COX6B1: variants seen among roughly 807,000 people sequenced by gnomAD.
The protein encoded by COX6B1 is COX VIb-1.
In COX6B1, 2 loss-of-function variants were observed where a neutral mutation model predicts 14.0. The observed-to-expected ratio is 0.14, with a 90% CI of 0.06 to 0.45. The LOEUF (loss-of-function observed/expected upper bound fraction) is 0.45. Among genes scored for constraint, COX6B1 ranks in the 20% least tolerant of loss-of-function variants. COX6B1 has a pLI of 0.98. For missense variants in COX6B1, 81 were observed against 114.2 expected (o/e 0.71, Z 1.33); for synonymous variants, 30 against 39.7 (o/e 0.76, Z 0.92).
intron 3 of COX6B1, 102 bp from the exon 4 acceptor site, chr19:35,658,492 T>C: frequency 1.0e-6 from 1 of 993,818 alleles, no homozygotes; most frequent in Non-Finnish European, 1.6e-6. Flanking sequence ...AGCAGGTACC[T>C]GTGGATATTG....
chr19:35,651,083 C>A, intron 1 of COX6B1, 150 bp from the exon 2 acceptor site: 1 of 672,712 alleles, frequency 1.5e-6, no homozygotes, highest in Non-Finnish European at 2.7e-6. Context: ...TGGATTCGCC[C>A]TGCCCCTCAT....
chr19:35,653,582 A>AT (rs1225466966), intron 2 of COX6B1, among the ~76,000 whole-genome samples: 3,338 of 115,366 alleles, frequency 0.029, 114 homozygotes, highest in African/African-American at 0.076. Flanking sequence ...AATTTTTTGT[A>AT]TTTTTTTTTT....
rs569280189 is a variant in COX6B1, at chr19:35,648,675, G to A, written c.-12+272G>A. The A allele has an allele frequency of 3.5e-5, 13 of 376,116 alleles. No individual in the cohort carries two copies. In the East Asian group the frequency reaches 6.6e-4, roughly 19 times the overall value. The allele number at this position is 376,116 out of a possible 1,614,324, so 23.3% of individuals were successfully genotyped here. A position where few individuals can be genotyped will look rare whatever the true frequency, so the allele number is the denominator to read the frequency against. Reference sequence around the variant, plus strand: ...GATTATCCCCTTTTGTCAGTAAACAGGCTCAGAGATACCAAGCGACCTAGC... The same window carrying A: ...GATTATCCCCTTTTGTCAGTAAACAAGCTCAGAGATACCAAGCGACCTAGC... On this transcript the variant is annotated intron_variant, in intron 1 of 3. Coordinates refer to ENST00000649813, the MANE Select transcript of COX6B1 (RefSeq NM_001863.5).
chr19:35,658,099 T>C (rs1351161026), intron 3 of COX6B1, among the ~76,000 whole-genome samples: 1 of 152,144 alleles, frequency 6.6e-6, no homozygotes, highest in Non-Finnish European at 1.5e-5. Context: ...GCCTCCATCA[T>C]TGTTTATACT....
chr19:35,654,719 G>A, intron 3 of COX6B1, 48 bp downstream of exon 3: 1 of 1,552,658 alleles, frequency 6.4e-7, no homozygotes, highest in Non-Finnish European at 8.9e-7. Context: ...TGGGGTCTTA[G>A]CAGAGGGGAG....
At chr19:35,653,578 T>C (rs1236201203) in intron 2 of COX6B1, among the ~76,000 whole-genome samples, 1 of 143,870 alleles carries the variant, frequency 7.0e-6, no homozygotes, top group East Asian at 2.1e-4. Context: ...GGCCAATTTT[T>C]TGTATTTTTT....
intron 2 of COX6B1, among the ~76,000 whole-genome samples, chr19:35,653,781 C>T (rs1051933009): frequency 1.4e-5 from 2 of 147,328 alleles, no homozygotes; most frequent in Non-Finnish European, 3.0e-5. Flanking sequence ...GGGGTTTCAC[C>T]GTGGTCTCTA....
intron 3 of COX6B1, among the ~76,000 whole-genome samples, chr19:35,658,026 A>G (rs1967906487): frequency 6.6e-6 from 1 of 152,112 alleles, no homozygotes; most frequent in African/African-American, 2.4e-5. Flanking sequence ...TCCTGAGCTC[A>G]AGCAGTCCTC....
chr19:35,653,008 G>A (rs1279870597), intron 2 of COX6B1, among the ~76,000 whole-genome samples: 2 of 136,482 alleles, frequency 1.5e-5, no homozygotes, highest in Non-Finnish European at 3.0e-5. Flanking sequence ...TCGCTTTGTC[G>A]CCCAGGTTGG....
chr19:35,654,421 C>T lies in COX6B1; in HGVS notation c.107-150C>T, dbSNP rs1005379839. ...TTGAGAGGCTGAGGCAGGAGAATCA[C>T]TTGAACCCAGGAGGAGGTAGAGGTT... On this transcript the variant is annotated intron_variant, in intron 2 of 3. Coordinates refer to ENST00000649813, the MANE Select transcript of COX6B1 (RefSeq NM_001863.5). 3.2e-5 allele frequency: 22 copies of T among 684,336 alleles called. No individual in the cohort carries two copies. In the South Asian group the frequency reaches 3.3e-4, roughly 10 times the overall value. 42.4% of individuals were successfully genotyped at this position (684,336 alleles called of 1,614,324 possible).
chr19:35,651,321 G>C lies in COX6B1; in HGVS notation c.78G>C (p.Gln26His). ...PFDSRFPNQN[Q>H]TRNCWQNYLD... Reference sequence around the variant, plus strand: ...ACAGCCGCTTCCCCAACCAGAACCAGACTAGAAACTGCTGGCAGAACTACC... The same window carrying C: ...ACAGCCGCTTCCCCAACCAGAACCACACTAGAAACTGCTGGCAGAACTACC... The change falls in exon 2 of 4, where the codon CAG becomes CAC. Residue 26 changes from glutamine (Q) to histidine (H), a missense_variant. Gln to His is a conservative substitution (Grantham distance 24, BLOSUM62 0). Transcript: ENST00000649813. 1.2e-6 allele frequency: 2 copies of C among 1,614,002 alleles called. No homozygotes were observed. The highest frequency in any genetic ancestry group is 1.7e-6 in the Non-Finnish European group (2 of 1,179,966).
intron 3 of COX6B1, among the ~76,000 whole-genome samples, chr19:35,655,755 G>GTCTCTC (rs3038413): frequency 0.063 from 9,165 of 145,950 alleles, 307 homozygotes; most frequent in South Asian, 0.1. Flanking sequence ...CACTGTGCCT[G>GTCTCTC]TCTCTCTCTC....
At chr19:35,649,429 CCTCAGTAG>C (rs1270150357) in intron 1 of COX6B1, among the ~76,000 whole-genome samples, 16 of 152,000 alleles carry the variant, frequency 1.1e-4, no homozygotes. Context: ...AGCGATCCTG[CCTCAGTAG>C]CTGGGACCAC....
intron 3 of COX6B1, among the ~76,000 whole-genome samples, chr19:35,656,778 G>A (rs1967893271): frequency 6.6e-6 from 1 of 152,176 alleles, no homozygotes; most frequent in African/African-American, 2.4e-5. Flanking sequence ...ACCACGCCCA[G>A]CCATGTTAGC....
At chr19:35,651,424 C>A in intron 2 of COX6B1, 75 bp downstream of exon 2, 1 of 1,049,952 alleles carries the variant, frequency 9.5e-7, no homozygotes, top group South Asian at 1.3e-5. Context: ...CCCATCCACC[C>A]CAGCCTCCTC....
chr19:35,657,112 A>T (rs1007135246), intron 3 of COX6B1, among the ~76,000 whole-genome samples: 21 of 151,928 alleles, frequency 1.4e-4, no homozygotes, highest in African/African-American at 4.8e-4. Flanking sequence ...TGTCCACTTT[A>T]TTTCTGTTAT....
intron 1 of COX6B1, among the ~76,000 whole-genome samples, chr19:35,649,421 C>T (rs956902429): frequency 1.3e-5 from 2 of 151,746 alleles, no homozygotes; most frequent in Non-Finnish European, 2.9e-5. Flanking sequence ...CCTGTGCAAG[C>T]GATCCTGCCT....
Position 35,651,052 on chromosome 19 carries a change from C to T in COX6B1, c.-11-181C>T, listed in dbSNP as rs572563893. Reference sequence around the variant, plus strand: ...GAGGAGTTGTACCCCAACCCTGCCGCGACCTCGACACTCAGATGTGTGGAT... The same window carrying T: ...GAGGAGTTGTACCCCAACCCTGCCGTGACCTCGACACTCAGATGTGTGGAT... On this transcript the variant is annotated intron_variant, in intron 1 of 3. Coordinates refer to ENST00000649813, the MANE Select transcript of COX6B1 (RefSeq NM_001863.5). Among the ~76,000 whole-genome samples the T allele has an allele frequency of 2.2e-4, 33 of 152,284 alleles. 1 individual carries two copies. In the South Asian group the frequency reaches 4.1e-3, roughly 19 times the overall value.
intron 3 of COX6B1, among the ~76,000 whole-genome samples, chr19:35,657,650 AT>A (rs1192141047): frequency 1.7e-3 from 196 of 115,518 alleles, no homozygotes; most frequent in Middle Eastern, 4.5e-3. Flanking sequence ...GGGCCTTTTC[AT>A]TTTTTTTTTT....
Sources: gnomAD v4.1 joint callset for allele counts (sites outside exome capture counted in the v4.1 genomes callset) on GRCh38, gnomAD v4.1.1 for gene constraint, MANE v1.5 for transcripts, NCBI Gene and HGNC (gene_info 2026-07-23, HGNC 2026-07-21) for gene names.